The following LRRC4C variants were observed in gnomAD, a reference collection of about 807,000 sequenced individuals.
LRRC4C encodes leucine-rich repeat-containing protein 4C.
LRRC4C carries 5 observed loss-of-function variants against 33.6 expected under a neutral mutation model. The ratio of observed to expected loss-of-function variants is 0.15; its 90% CI spans 0.08 to 0.31. LRRC4C has a LOEUF of 0.31. Ranked by LOEUF, LRRC4C falls within the 10% of genes least tolerant of loss-of-function variation. The pLI is 1.00. For missense variants in LRRC4C, 560 were observed against 796.7 expected, an observed-to-expected ratio of 0.70 and a Z score of 3.58; for synonymous variants, 329 against 302.0, an observed-to-expected ratio of 1.09 and a Z score of -0.93.
intron 1 of LRRC4C, among the ~76,000 whole-genome samples, chr11:41,077,059 T>C (rs1282151250): frequency 2.6e-5 from 4 of 152,204 alleles, no homozygotes; most frequent in Admixed American, 6.5e-5. Flanking sequence ...GGGAATGTTA[T>C]GCAAGGGGTG....
chr11:40,836,764 T>A (rs1952689686), intron 2 of LRRC4C, among the ~76,000 whole-genome samples: 1 of 152,142 alleles, frequency 6.6e-6, no homozygotes, highest in Non-Finnish European at 1.5e-5. Flanking sequence ...TTCTAAAAAA[T>A]CACCTATCTC....
intron 3 of LRRC4C, among the ~76,000 whole-genome samples, chr11:40,645,714 G>T (rs557206993): frequency 6.6e-6 from 1 of 152,192 alleles, no homozygotes; most frequent in East Asian, 1.9e-4. Context: ...TAGTTTTCAG[G>T]CTGTAACACT....
intron 1 of LRRC4C, among the ~76,000 whole-genome samples, chr11:41,215,081 C>T (rs1565486000): frequency 6.9e-6 from 1 of 145,214 alleles, no homozygotes; most frequent in Non-Finnish European, 1.5e-5. Flanking sequence ...AATTTATATG[C>T]AAAAAAATCA....
chr11:40,897,134 C>T lies in LRRC4C; in HGVS notation c.-407+36501G>A, dbSNP rs776998329. 4.7e-4 allele frequency among the ~76,000 whole-genome samples: 72 copies of T among 152,124 alleles called. 1 individual carries two copies. The highest frequency in any genetic ancestry group is 9.8e-4 in the Admixed American group (15 of 15,272). ...AAATGCATTTTAAATTTTGTCTCAT[C>T]GATGTTTCCTCTCTACCTGTTATTT... On this transcript the variant is annotated intron_variant, in intron 2 of 6. Coordinates refer to ENST00000528697, the MANE Select transcript of LRRC4C (RefSeq NM_001258419.2).
At chr11:41,244,786 T>C (rs1004271486) in intron 1 of LRRC4C, among the ~76,000 whole-genome samples, 3 of 152,188 alleles carry the variant, frequency 2.0e-5, no homozygotes, top group Admixed American at 1.3e-4. Context: ...CCACTGAACA[T>C]AGAACTTTAC....
chr11:40,581,818 G>T (rs1412633823), intron 3 of LRRC4C, among the ~76,000 whole-genome samples: 15 of 152,104 alleles, frequency 9.9e-5, no homozygotes, highest in Admixed American at 5.9e-4. Context: ...CAGGAGAATC[G>T]CTTGAACCTG....
At chr11:41,054,060 CAT>C (rs1260902133) in intron 1 of LRRC4C, among the ~76,000 whole-genome samples, 3 of 152,146 alleles carry the variant, frequency 2.0e-5, no homozygotes, top group African/African-American at 7.2e-5. Flanking sequence ...CAAACAAAAA[CAT>C]GTGATGACAA....
chr11:40,231,473 A>T (rs1865194027), intron 5 of LRRC4C, among the ~76,000 whole-genome samples: 1 of 50,170 alleles, frequency 2.0e-5, no homozygotes, highest in African/African-American at 3.0e-5. Flanking sequence ...TTTATAATAA[A>T]CTAGTCAATA....
intron 5 of LRRC4C, among the ~76,000 whole-genome samples, chr11:40,178,637 C>T (rs1337137259): frequency 2.0e-5 from 3 of 152,228 alleles, no homozygotes; most frequent in Non-Finnish European, 2.9e-5. Context: ...AGGGCTTGTA[C>T]TACAAAATCA....
intron 3 of LRRC4C, among the ~76,000 whole-genome samples, chr11:40,614,685 G>A (rs1961585124): frequency 1.3e-5 from 2 of 151,532 alleles, no homozygotes; most frequent in African/African-American, 2.4e-5. Flanking sequence ...CTGACTTAAG[G>A]TGAGAGCCAT....
intron 3 of LRRC4C, among the ~76,000 whole-genome samples, chr11:40,483,501 T>C (rs752625736): frequency 6.6e-6 from 1 of 151,924 alleles, no homozygotes; most frequent in Non-Finnish European, 1.5e-5. Context: ...ATTTAGGCAA[T>C]TACACATGTG....
At chr11:40,332,105 A>G (rs1020292107) in intron 3 of LRRC4C, among the ~76,000 whole-genome samples, 2 of 152,202 alleles carry the variant, frequency 1.3e-5, no homozygotes, top group Admixed American at 6.5e-5. Context: ...CTTTAGCAGT[A>G]TATTAGTTTC....
chr11:40,435,507 C>G (rs545918610), intron 3 of LRRC4C, among the ~76,000 whole-genome samples: 5 of 152,294 alleles, frequency 3.3e-5, no homozygotes, highest in African/African-American at 1.2e-4. Flanking sequence ...CAGTTCAAAT[C>G]TTTTCCATTG....
intron 3 of LRRC4C, among the ~76,000 whole-genome samples, chr11:40,586,137 T>C (rs1221092125): frequency 6.6e-6 from 1 of 151,040 alleles, no homozygotes; most frequent in African/African-American, 2.4e-5. Context: ...CAGCACCTGT[T>C]GTTTCCTGAC....
chr11:40,822,576 T>G (rs991402424), intron 2 of LRRC4C, among the ~76,000 whole-genome samples: 3 of 151,682 alleles, frequency 2.0e-5, no homozygotes, highest in African/African-American at 7.3e-5. Flanking sequence ...CGGTTATTAA[T>G]TCCGTGTCAG....
rs117489838 is a variant in LRRC4C at position 41,089,997 on chromosome 11, G to A, written c.-495-156274C>T. Among the ~76,000 whole-genome samples the A allele has an allele frequency of 2.6e-4, 38 of 147,140 alleles. 1 individual carries two copies. In the East Asian group the frequency reaches 7.7e-3, roughly 30 times the overall value. ...GTGATTGGAAACAATTTAATAGTAA[G>A]AATAGAATATTGATATTCAAAAAAA... On this transcript the variant is annotated intron_variant, in intron 1 of 6. Transcript: ENST00000528697.
At chr11:41,026,804 A>T (rs75565496) in intron 1 of LRRC4C, among the ~76,000 whole-genome samples, 20,956 of 151,626 alleles carry the variant, frequency 0.14, 1,560 homozygotes, top group Middle Eastern at 0.21. Flanking sequence ...CCAAAAAAAA[A>T]AAAGTATTTT....
intron 1 of LRRC4C, among the ~76,000 whole-genome samples, chr11:41,077,054 T>A (rs1939204840): frequency 6.6e-6 from 1 of 152,154 alleles, no homozygotes; most frequent in East Asian, 1.9e-4. Flanking sequence ...ATCCAGGGAA[T>A]GTTATGCAAG....
chr11:40,225,876 C>T (rs1474602808), intron 5 of LRRC4C, among the ~76,000 whole-genome samples: 1 of 152,170 alleles, frequency 6.6e-6, no homozygotes, highest in Non-Finnish European at 1.5e-5. Flanking sequence ...GCCTCGGCCT[C>T]CCAAAGGGCT....
Sources: allele counts gnomAD v4.1 joint callset (sites outside exome capture counted in the v4.1 genomes callset), GRCh38; gene constraint gnomAD v4.1.1; transcripts MANE v1.5; gene names NCBI Gene and HGNC (gene_info 2026-07-23, HGNC 2026-07-21).